C16orf96: variants seen among roughly 807,000 people sequenced by gnomAD.
The protein encoded by C16orf96 is chromosome 16 open reading frame 96.
In C16orf96, 108 loss-of-function variants were observed where a neutral mutation model predicts 103.6. The ratio of observed to expected loss-of-function variants is 1.04; its 90% confidence interval spans 0.89 to 1.22. C16orf96 has a LOEUF of 1.22. Ranked by LOEUF, C16orf96 falls within the 50% of genes most tolerant of loss-of-function variation. The pLI is 0.00. For missense variants in C16orf96, 1,586 were observed against 1,464.2 expected, an observed-to-expected ratio of 1.08 and a Z score of -1.36; for synonymous variants, 566 against 593.5, an observed-to-expected ratio of 0.95 and a Z score of 0.67.
chr16:4,576,368 CG>C lies in C16orf96; in HGVS notation c.1892del (p.Gly631GlufsTer44), dbSNP rs953216477. On this transcript the variant is annotated frameshift_variant, in exon 5 of 16. Coordinates refer to ENST00000444310, the MANE Select transcript of C16orf96 (RefSeq NM_001145011.2). LOFTEE classifies it high-confidence loss of function. Reference protein sequence around the residue: ...FADVLGAGPSRGATESQILGD... With the variant: ...FADVLGAGPSXGATESQILGD... ...AGATGTCCTGGGTGCAGGGCCTTCCCGGGGAGCCACAGAATCCCAGATCTTG... is the reference window on the plus strand; with the variant it reads ...AGATGTCCTGGGTGCAGGGCCTTCCCGGGAGCCACAGAATCCCAGATCTTG... The C allele has an allele frequency of 1.3e-6, 2 of 1,550,900 alleles. No individual in the cohort carries two copies. Among genetic ancestry groups the C allele is most frequent in the African/African-American group, 2.7e-5 (2 of 73,184 alleles).
At chr16:4,589,675 T>C (rs529638392) in intron 9 of C16orf96, among the ~76,000 whole-genome samples, 32 of 152,244 alleles carry the variant, frequency 2.1e-4, no homozygotes, top group African/African-American at 7.2e-4. Flanking sequence ...CCTGGTTTAA[T>C]TGAACCACAT....
Position 4,576,056 on chromosome 16 carries a change from G to T in C16orf96, c.1576G>T (p.Asp526Tyr), listed in dbSNP as rs2059503169. The T allele has an allele frequency of 1.3e-6, 2 of 1,551,432 alleles. No individual in the cohort carries two copies. Among genetic ancestry groups the T allele is most frequent in the Admixed American group, 2.0e-5 (1 of 50,966 alleles). The change falls in exon 5 of 16, where the codon GAT (aspartate) becomes TAT (tyrosine). Residue 526 changes from aspartate to tyrosine, a missense_variant. Asp to Tyr is a radical substitution (Grantham distance 160). Coordinates refer to ENST00000444310, the MANE Select transcript of C16orf96 (RefSeq NM_001145011.2). ...GGACCCCAAGGATAGAGCTCACAAG[G>T]ATGATGTCCCCAAAGATAGAGGTGG... Reference protein sequence around the residue: ...DVDPKDRAHKDDVPKDRGGKD... With the variant: ...DVDPKDRAHKYDVPKDRGGKD...
At chr16:4,597,406 C>T (rs1897195861) in intron 14 of C16orf96, among the ~76,000 whole-genome samples, 1 of 152,230 alleles carries the variant, frequency 6.6e-6, no homozygotes, top group East Asian at 1.9e-4. Flanking sequence ...CAGATGGAGT[C>T]CACATCTGAT....
chr16:4,594,622 C>T, intron 13 of C16orf96, 82 bp from the exon 14 acceptor site: 1 of 1,538,686 alleles, frequency 6.5e-7, no homozygotes, highest in Non-Finnish European at 8.8e-7. Flanking sequence ...TGCACTCTGT[C>T]TCCTGGGCTT....
chr16:4,550,469 T>C, the C16orf96 span, among the ~76,000 whole-genome samples: 1 of 151,942 alleles, frequency 6.6e-6, no homozygotes, highest in African/African-American at 2.4e-5. Context: ...TGTTCTCTCC[T>C]TCCTCCTTGG....
upstream of C16orf96, among the ~76,000 whole-genome samples, chr16:4,553,763 C>T (rs1228999270): frequency 1.3e-5 from 2 of 152,192 alleles, no homozygotes; most frequent in African/African-American, 4.8e-5. Context: ...GCATGAGCCA[C>T]AGCGCCTGAC....
At chr16:4,547,219 C>T in the C16orf96 span, among the ~76,000 whole-genome samples, 3 of 152,198 alleles carry the variant, frequency 2.0e-5, no homozygotes, top group East Asian at 3.8e-4. Flanking sequence ...ACTGGAACCT[C>T]GACATCCCAG....
At chr16:4,573,501 T>C (rs1489317330) in intron 2 of C16orf96, among the ~76,000 whole-genome samples, 3 of 145,114 alleles carry the variant, frequency 2.1e-5, no homozygotes, top group Admixed American at 1.4e-4. Context: ...GCCTGTAATC[T>C]CAGCATTTTG....
At chr16:4,562,999 T>G in intron 1 of C16orf96, 1 of 1,132,390 alleles carries the variant, frequency 8.8e-7, no homozygotes, top group Non-Finnish European at 1.3e-6. Flanking sequence ...ATTTTCCCAA[T>G]CTGAAACATG....
chr16:4,589,294 T>C (rs1897002179), intron 9 of C16orf96, among the ~76,000 whole-genome samples: 1 of 151,964 alleles, frequency 6.6e-6, no homozygotes, highest in Non-Finnish European at 1.5e-5. Context: ...TAAAAGACAT[T>C]GCAGCCAGTT....
chr16:4,562,788 GTTTTA>G, intron 1 of C16orf96: 2 of 1,178,478 alleles, frequency 1.7e-6, no homozygotes, highest in Non-Finnish European at 2.5e-6. Flanking sequence ...AACAGTACAG[GTTTTA>G]TTTATATGGC....
chr16:4,576,020 G>T lies in C16orf96; in HGVS notation c.1540G>T (p.Gly514Cys). Residue 514 changes from glycine to cysteine, a missense_variant, in exon 5 of 16, where the codon GGC becomes TGC. Gly to Cys is a radical substitution (Grantham distance 159, BLOSUM62 -3). Coordinates refer to ENST00000444310, the MANE Select transcript of C16orf96 (RefSeq NM_001145011.2). ...HKDDVPKDRGGKDVDPKDRAH... is the reference protein window; with the variant it reads ...HKDDVPKDRGCKDVDPKDRAH... ...GGATGATGTCCCCAAAGATAGAGGTGGCAAGGATGTGGACCCCAAGGATAG... is the reference window on the plus strand; with the variant it reads ...GGATGATGTCCCCAAAGATAGAGGTTGCAAGGATGTGGACCCCAAGGATAG... The T allele has an allele frequency of 1.3e-6, 2 of 1,551,152 alleles. No individual in the cohort carries two copies. The highest frequency in any genetic ancestry group is 1.7e-6 in the Non-Finnish European group (2 of 1,146,778).
rs151051492 is a variant in C16orf96, at chr16:4,568,826, C to A, written c.421-2735C>A. Among the ~76,000 whole-genome samples the A allele has an allele frequency of 6.5e-3, 984 of 151,578 alleles. 16 individuals carry two copies. The highest frequency in any genetic ancestry group is 0.021 in the African/African-American group (876 of 41,302). On this transcript the variant is annotated intron_variant, in intron 1 of 15. Transcript: ENST00000444310. ...GTATTTTTTTGTAGAGATGGGAGAC[C>A]GCTATGTTGCCCAGGCTGGTTTCGA...
At chr16:4,599,106 A>AG (rs1044559294) in intron 14 of C16orf96, among the ~76,000 whole-genome samples, 178 bp from the exon 15 acceptor site, 1 of 151,878 alleles carries the variant, frequency 6.6e-6, no homozygotes, top group Non-Finnish European at 1.5e-5. Flanking sequence ...CCTCAAGAAA[A>AG]AAAAAAAAAA....
At chr16:4,584,354 A>ATTTTTTTTTTTTTTTTTTTT (rs71139648) in intron 7 of C16orf96, among the ~76,000 whole-genome samples, 1 of 92,734 alleles carries the variant, frequency 1.1e-5, no homozygotes. Flanking sequence ...TGCCTGGCTA[A>ATTTTTTTTTTTTTTTTTTTT]TTTTTTTTTT....
chr16:4,552,507 G>T (rs990309101), upstream of C16orf96, among the ~76,000 whole-genome samples: 3 of 147,326 alleles, frequency 2.0e-5, no homozygotes, highest in Non-Finnish European at 4.5e-5. Context: ...AAAAAGAAAC[G>T]AAAAGAAAAG....
chr16:4,599,102 G>GAA (rs60960622), intron 14 of C16orf96, among the ~76,000 whole-genome samples, 182 bp from the exon 15 acceptor site: 1 of 106,426 alleles, frequency 9.4e-6, no homozygotes, highest in South Asian at 3.1e-4. Flanking sequence ...CCTGCCTCAA[G>GAA]AAAAAAAAAA....
Position 4,576,621 on chromosome 16 carries a change from G to A in C16orf96, c.2141G>A (p.Arg714His), listed in dbSNP as rs971871408. Residue 714 changes from arginine (R) to histidine (H), a missense_variant, in exon 5 of 16, where the codon CGC (arginine) becomes CAC (histidine). By Grantham distance (29) the Arg-to-His change is conservative. Coordinates refer to ENST00000444310, the MANE Select transcript of C16orf96 (RefSeq NM_001145011.2). ...FAQLSCNLNQ[R>H]LSYLANMGGP... ...CAGCTGTCCTGTAACCTGAACCAGC[G>A]CTTGAGTTATCTAGGTAGGCCTGGT... The A allele has an allele frequency of 9.7e-6, 15 of 1,550,852 alleles. No homozygotes were observed. Among genetic ancestry groups the A allele is most frequent in the African/African-American group, 5.5e-5 (4 of 73,038 alleles).
At chr16:4,599,449 C>G in intron 15 of C16orf96, 85 bp downstream of exon 15, 1 of 1,192,464 alleles carries the variant, frequency 8.4e-7, no homozygotes, top group Non-Finnish European at 1.2e-6. Context: ...TCCCCCACAC[C>G]CCGCCTGGGC....
Sources: gnomAD v4.1 joint callset for allele counts (sites outside exome capture counted in the v4.1 genomes callset) on GRCh38, gnomAD v4.1.1 for gene constraint, MANE v1.5 for transcripts, NCBI Gene and HGNC (gene_info 2026-07-23, HGNC 2026-07-21) for gene names.